RSRP1: variants seen among roughly 807,000 people sequenced by gnomAD.
RSRP1 encodes arginine and serine rich protein 1.
RSRP1 carries 37 observed loss-of-function variants against 33.0 expected under a neutral mutation model. That is an observed-to-expected ratio of 1.12 (90% CI 0.86 to 1.48). The LOEUF is 1.48. Ranked by LOEUF, RSRP1 falls within the 40% of genes most tolerant of loss-of-function variation. The pLI is 0.00. For missense variants in RSRP1, 402 were observed against 385.3 expected (o/e 1.04, Z -0.36); for synonymous variants, 167 against 158.7 (o/e 1.05, Z -0.40).
intron 1 of RSRP1, among the ~76,000 whole-genome samples, chr1:25,271,683 C>G (rs1640523265): frequency 1.5e-5 from 2 of 132,388 alleles, no homozygotes; most frequent in South Asian, 4.6e-4. Context: ...GAACTAAGTC[C>G]CAAGCCCCCT....
rs1189112757 is a variant in RSRP1, at chr1:25,302,507, C to A, written c.-67+35471G>T. On this transcript the variant is annotated intron_variant, in intron 1 of 1. Transcript: ENST00000561867. ...CATGGTGACAGAAAGTCTAAGACACCCAGCAAGGCAGGAGTGGGTGTCAAC... is the reference window on the plus strand; with the variant it reads ...CATGGTGACAGAAAGTCTAAGACACACAGCAAGGCAGGAGTGGGTGTCAAC... 3.1e-5 allele frequency among the ~76,000 whole-genome samples: 4 copies of A among 129,164 alleles called. 1 individual carries two copies. Among genetic ancestry groups the A allele is most frequent in the Admixed American group, 3.0e-4 (4 of 13,256 alleles). 84.7% of individuals were successfully genotyped at this position (129,164 alleles called of 152,430 possible). A position where few individuals can be genotyped will look rare whatever the true frequency, so the allele number is the denominator to read the frequency against.
Position 25,332,837 on chromosome 1 carries a change from G to A in RSRP1, c.-67+5141C>T, listed in dbSNP as rs534022978. ...AGCCAATCGATACATAGATATATAAGAGAGGGTTTATGAGTTAGAAAGGGC... is the reference window on the plus strand; with the variant it reads ...AGCCAATCGATACATAGATATATAAAAGAGGGTTTATGAGTTAGAAAGGGC... On this transcript the variant is annotated intron_variant, in intron 1 of 1. Transcript: ENST00000561867. Among the ~76,000 whole-genome samples, 233 of 132,828 alleles carry A rather than the reference G, an allele frequency of 1.8e-3. 57 individuals are homozygous for A. Among genetic ancestry groups the A allele is most frequent in the Non-Finnish European group, 3.2e-3 (178 of 56,018 alleles). 87.1% of individuals were successfully genotyped at this position (132,828 alleles called of 152,430 possible). A position where few individuals can be genotyped will look rare whatever the true frequency, so the allele number is the denominator to read the frequency against.
At position 25,284,258 on chromosome 1, in the gene RSRP1, T is replaced by A. The variant is rs138498523; in HGVS notation, c.-66-37229A>T. Among the ~76,000 whole-genome samples the A allele has an allele frequency of 2.2e-3, 300 of 136,174 alleles. 1 individual carries two copies. The highest frequency in any genetic ancestry group is 2.9e-3 in the Non-Finnish European group (168 of 57,102). The allele number at this position is 136,174 out of a possible 152,430, so 89.3% of individuals were successfully genotyped here. On this transcript the variant is annotated intron_variant, in intron 1 of 1. Transcript: ENST00000561867. ...GCGTCAAGCACGTGTGCTTTACACT[T>A]GTTCTTATTATTAGGTTTAATAATA... is the stretch of plus-strand genomic sequence containing the variant.
At chr1:25,244,112 G>C in intron 3 of RSRP1, 1 of 1,265,462 alleles carries the variant, frequency 7.9e-7, no homozygotes, top group Non-Finnish European at 1.0e-6. Context: ...ACCCAGGCTG[G>C]AGTGAAAAGT....
Position 25,278,196 on chromosome 1 carries a change from G to A in RSRP1, c.-66-31167C>T, listed in dbSNP as rs189115020. Among the ~76,000 whole-genome samples, 536 of 129,792 alleles carry A rather than the reference G, an allele frequency of 4.1e-3. 127 individuals carry two copies. The highest frequency in any genetic ancestry group is 1.1e-3 in the Non-Finnish European group (63 of 54,966). 85.1% of individuals were successfully genotyped at this position (129,792 alleles called of 152,430 possible). On this transcript the variant is annotated intron_variant, in intron 1 of 1. Transcript: ENST00000561867. Reference sequence around the variant, plus strand: ...ATAAGTCAGCTGTACTTGATGAAAAGAGTGGGGAGTTAAGGCTGGCTGCAG... The same window carrying A: ...ATAAGTCAGCTGTACTTGATGAAAAAAGTGGGGAGTTAAGGCTGGCTGCAG...
intron 1 of RSRP1, among the ~76,000 whole-genome samples, chr1:25,287,299 T>C (rs1642111000): frequency 7.5e-6 from 1 of 133,674 alleles, no homozygotes; most frequent in Non-Finnish European, 1.8e-5. Context: ...CCCCACAGTC[T>C]AGGGCTGCTC....
intron 1 of RSRP1, chr1:25,337,647 GGATGCAGCTACACAACCTGCGAA>G (rs1253084147): frequency 2.1e-3 from 305 of 142,152 alleles, no homozygotes; most frequent in African/African-American, 7.7e-3. Context: ...TAGAGGCGGG[GGATGCAGCTACACAACCTGCGAA>G]GCACGGGACA....
chr1:25,277,342 C>T, intron 1 of RSRP1, among the ~76,000 whole-genome samples: 1 of 130,352 alleles, frequency 7.7e-6, no homozygotes, highest in South Asian at 2.4e-4. Context: ...AAGTGTGGTC[C>T]CCAGACCTGC....
At chr1:25,244,089 G>C (rs1639138652) in intron 3 of RSRP1, 21 of 1,232,732 alleles carry the variant, frequency 1.7e-5, no homozygotes, top group Non-Finnish European at 1.9e-5. Context: ...CGAGACGGGA[G>C]TCTTGCTCTG....
At chr1:25,249,440 A>G (rs1167790544), upstream of RSRP1, among the ~76,000 whole-genome samples, 2 of 152,094 alleles carry the variant, frequency 1.3e-5, no homozygotes, top group Non-Finnish European at 2.9e-5. Flanking sequence ...CTGGGTTCAC[A>G]CAATTCTTGT....
In RSRP1 at chr1:25,300,860, A is replaced by G; in HGVS notation, c.-67+37118T>C. 1.5e-6 allele frequency: 2 copies of G among 1,295,706 alleles called. 1 individual carries two copies. Among genetic ancestry groups the G allele is most frequent in the Non-Finnish European group, 2.2e-6 (2 of 910,744 alleles). The allele number at this position is 1,295,706 out of a possible 1,614,324, so 80.3% of individuals were successfully genotyped here. ...GCTTCAAGTCACACCTCCTAAGTGAAGCTCTGAACTTTCTCCAAGGACTAT... is the reference window on the plus strand; with the variant it reads ...GCTTCAAGTCACACCTCCTAAGTGAGGCTCTGAACTTTCTCCAAGGACTAT... On this transcript the variant is annotated intron_variant, in intron 1 of 1. Coordinates refer to the RSRP1 transcript ENST00000561867.
Position 25,315,278 on chromosome 1 carries a change from C to G in RSRP1, c.-67+22700G>C, listed in dbSNP as rs1644381190. 1.5e-5 allele frequency among the ~76,000 whole-genome samples: 2 copies of G among 129,246 alleles called. 1 individual carries two copies. Among genetic ancestry groups the G allele is most frequent in the Non-Finnish European group, 3.6e-5 (2 of 55,132 alleles). The allele number at this position is 129,246 out of a possible 152,430, so 84.8% of individuals were successfully genotyped here. On this transcript the variant is annotated intron_variant, in intron 1 of 1. Transcript: ENST00000561867. Reference sequence around the variant, plus strand: ...TTTTTCAGTCATTCAACAAATATTTCCCTGAGGTTTTGATAACCTGAACTG... The same window carrying G: ...TTTTTCAGTCATTCAACAAATATTTGCCTGAGGTTTTGATAACCTGAACTG...
rs1261670467 is a variant in RSRP1 at position 25,307,204 on chromosome 1, G to C, written c.-67+30774C>G. On this transcript the variant is annotated intron_variant, in intron 1 of 1. Transcript: ENST00000561867. ...CTACTGGATTTAATAAGCTAATGCA[G>C]GGACATGCTAAGCACAACCCATCCC... is the stretch of plus-strand genomic sequence containing the variant. Among the ~76,000 whole-genome samples the C allele has an allele frequency of 3.0e-5, 4 of 132,280 alleles. 1 individual carries two copies. The highest frequency in any genetic ancestry group is 7.1e-5 in the Non-Finnish European group (4 of 55,966). The allele number at this position is 132,280 out of a possible 152,430, so 86.8% of individuals were successfully genotyped here.
chr1:25,287,498 G>A (rs975836275), intron 1 of RSRP1, among the ~76,000 whole-genome samples: 2 of 134,972 alleles, frequency 1.5e-5, no homozygotes, highest in South Asian at 2.2e-4. Context: ...GTGCTGATGG[G>A]TGGTGCCCAG....
rs1347874240 is a variant in RSRP1 at position 25,245,197 on chromosome 1, C to A, written c.625G>T (p.Glu209Ter). The A allele has an allele frequency of 1.2e-6, 2 of 1,613,922 alleles. No individual in the cohort carries two copies. The highest frequency in any genetic ancestry group is 1.7e-6 in the Non-Finnish European group (2 of 1,180,028). The stretch of plus-strand genomic sequence containing the variant: ...GATACACCTATTCCACGGCTTGTTT[C>A]TTTGGCTGAAGGAACAGTTCTGAGA... ...ASLRTVPSAK[E>*]TSRGIGVSSN... The change falls in exon 3 of 5, where the codon GAA becomes TAA. Residue 209 changes from glutamate (E) to a stop codon, truncating the protein, a stop_gained. Coordinates refer to ENST00000243189, the MANE Select transcript of RSRP1 (RefSeq NM_020317.5). LOFTEE classifies it high-confidence loss of function.
At chr1:25,244,287 C>T (rs1003467375) in intron 3 of RSRP1, 34 of 1,288,436 alleles carry the variant, frequency 2.6e-5, no homozygotes, top group Non-Finnish European at 3.1e-5. Flanking sequence ...ACCGTTACAA[C>T]GTGTACCTTT....
chr1:25,285,676 CTA>C (rs1159890940), intron 1 of RSRP1, among the ~76,000 whole-genome samples: 1 of 135,322 alleles, frequency 7.4e-6, no homozygotes, highest in East Asian at 1.9e-4. Flanking sequence ...AAAATGTTCT[CTA>C]TGTTCACCTG....
chr1:25,262,209 A>G (rs1173061510), intron 1 of RSRP1, among the ~76,000 whole-genome samples: 1 of 152,180 alleles, frequency 6.6e-6, no homozygotes, highest in African/African-American at 2.4e-5. Flanking sequence ...GGCTACTTTC[A>G]AAGACATCTT....
chr1:25,305,949 C>T (rs1455910670), intron 1 of RSRP1, among the ~76,000 whole-genome samples: 1 of 131,630 alleles, frequency 7.6e-6, no homozygotes, highest in African/African-American at 2.6e-5. Flanking sequence ...AAGGAACCAG[C>T]CTGATTGAAT....
Sources: gnomAD v4.1 joint callset for allele counts (sites outside exome capture counted in the v4.1 genomes callset) on GRCh38, gnomAD v4.1.1 for gene constraint, MANE v1.5 for transcripts, NCBI Gene and HGNC (gene_info 2026-07-23, HGNC 2026-07-21) for gene names.